Variants in ACOT12 observed in about 807,000 individuals in gnomAD.
The protein encoded by ACOT12 is acetyl-coenzyme A thioesterase.
In ACOT12, 51 loss-of-function variants were observed where a neutral mutation model predicts 67.7. The observed-to-expected ratio is 0.75, with a 90% CI of 0.60 to 0.95. The LOEUF (loss-of-function observed/expected upper bound fraction) is 0.95. ACOT12 is among the 40% of genes least tolerant of loss of function. The probability of loss-of-function intolerance (pLI) is 0.00; values close to 1 mark genes in which losing one functional copy is unlikely to be tolerated. For synonymous variants in ACOT12, 251 were observed against 244.6 expected (o/e 1.03, Z -0.24); for missense variants, 734 against 708.1 (o/e 1.04, Z -0.41).
chr5:81,393,695 A>C (rs1760921750), intron 1 of ACOT12, among the ~76,000 whole-genome samples: 1 of 150,342 alleles, frequency 6.7e-6, no homozygotes, highest in African/African-American at 2.5e-5. Context: ...CCAGCCCGGG[A>C]GAGAGCTCAA....
chr5:81,378,004 C>T (rs933747443), intron 2 of ACOT12, among the ~76,000 whole-genome samples: 11 of 152,070 alleles, frequency 7.2e-5, no homozygotes, highest in African/African-American at 2.4e-4. Flanking sequence ...TTATATGGAA[C>T]CAAAAAAGAG....
intron 3 of ACOT12, among the ~76,000 whole-genome samples, chr5:81,365,167 T>C (rs1428446531): frequency 6.6e-6 from 1 of 152,184 alleles, no homozygotes. Flanking sequence ...CCTACATATT[T>C]CAGATGAGTA....
At chr5:81,319,041 G>T in the ACOT12 span, among the ~76,000 whole-genome samples, 1 of 152,112 alleles carries the variant, frequency 6.6e-6, no homozygotes, top group Non-Finnish European at 1.5e-5. Flanking sequence ...GGACCTGCTG[G>T]AGAAGAGAAT....
At position 81,345,062 on chromosome 5, in the gene ACOT12, C is replaced by A. The variant is rs764324111; in HGVS notation, c.774-21G>T. ...CAACACTGTGAAGGGTGATGCAGGG[C>A]GGTGGGCAAAGAGGATCTTGACCCA... On this transcript the variant is annotated intron_variant, in intron 7 of 14. Transcript: ENST00000307624. The A allele has an allele frequency of 2.3e-5, 37 of 1,613,008 alleles. No homozygotes were observed. The African/African-American group carries it at 3.2e-4, about 14-fold the overall frequency.
the ACOT12 span, chr5:81,311,371 C>A: frequency 7.6e-7 from 1 of 1,308,328 alleles, no homozygotes; most frequent in Non-Finnish European, 1.1e-6. Context: ...AATTGGGATA[C>A]TAATGATTTT....
At chr5:81,344,022 TAG>T in intron 9 of ACOT12, 136 bp downstream of exon 9, 1 of 1,215,286 alleles carries the variant, frequency 8.2e-7, no homozygotes, top group Non-Finnish European at 1.2e-6. Context: ...CATAAGTCAG[TAG>T]TCAGCCTTTG....
intron 4 of ACOT12, among the ~76,000 whole-genome samples, chr5:81,361,077 C>CAAAAAAAAAAAAAAAAAA (rs71000820): frequency 3.8e-5 from 2 of 52,630 alleles, no homozygotes; most frequent in African/African-American, 8.3e-5. Flanking sequence ...GACTCCATCT[C>CAAAAAAAAAAAAAAAAAA]AAAAAAAAAA....
the ACOT12 span, among the ~76,000 whole-genome samples, chr5:81,315,233 C>G: frequency 6.6e-6 from 1 of 152,110 alleles, no homozygotes; most frequent in Admixed American, 6.6e-5. Context: ...ACCTTTTTGT[C>G]TCTTTTTTCA....
chr5:81,346,083 A>C, intron 6 of ACOT12, 79 bp from the exon 7 acceptor site: 1 of 1,570,858 alleles, frequency 6.4e-7, no homozygotes, highest in Non-Finnish European at 8.6e-7. Context: ...CAAGTCTTCA[A>C]ATAAGCATTT....
chr5:81,348,000 C>G, intron 5 of ACOT12, 70 bp from the exon 6 acceptor site: 1 of 1,497,886 alleles, frequency 6.7e-7, no homozygotes, highest in Non-Finnish European at 9.0e-7. Flanking sequence ...GCTTTTCCTT[C>G]CCGGCAGTAC....
At chr5:81,357,856 A>C (rs1416762869) in intron 5 of ACOT12, among the ~76,000 whole-genome samples, 1 of 151,926 alleles carries the variant, frequency 6.6e-6, no homozygotes, top group African/African-American at 2.4e-5. Context: ...AAACACAAAA[A>C]TTAGCTGGGC....
At chr5:81,344,104 A>G in intron 9 of ACOT12, 56 bp downstream of exon 9, 1 of 1,561,702 alleles carries the variant, frequency 6.4e-7, no homozygotes, top group Non-Finnish European at 8.7e-7. Flanking sequence ...GGGCTCTTAT[A>G]TAATTTGTCA....
chr5:81,363,931 T>C (rs755179091), intron 3 of ACOT12, 42 bp from the exon 4 acceptor site: 12 of 1,395,830 alleles, frequency 8.6e-6, no homozygotes, highest in Middle Eastern at 2.0e-4. Flanking sequence ...CTTGGCCAGT[T>C]CAGATTTCAG....
the ACOT12 span, among the ~76,000 whole-genome samples, chr5:81,313,589 T>G: frequency 6.6e-6 from 1 of 152,226 alleles, no homozygotes; most frequent in Non-Finnish European, 1.5e-5. Flanking sequence ...TTAATACATA[T>G]ATTTCACAAG....
chr5:81,345,155 G>A (rs1759341454), intron 7 of ACOT12, 114 bp from the exon 8 acceptor site: 2 of 1,341,040 alleles, frequency 1.5e-6, no homozygotes, highest in East Asian at 4.9e-5. Context: ...AGCAACAGGA[G>A]GATAAGGGCC....
Position 81,387,044 on chromosome 5 carries a change from C to T in ACOT12, c.128-1218G>A, listed in dbSNP as rs192002185. Among the ~76,000 whole-genome samples, 1,000 of 134,038 alleles carry T rather than the reference C, an allele frequency of 7.5e-3. 4 individuals are homozygous for T. Among genetic ancestry groups the T allele is most frequent in the Middle Eastern group, 0.044 (10 of 226 alleles). The allele number at this position is 134,038 out of a possible 152,430, so 87.9% of individuals were successfully genotyped here. On this transcript the variant is annotated intron_variant, in intron 1 of 14. Transcript: ENST00000307624. ...CTTTTTTCAGATAGAGTCTCACTGT[C>T]ACCCAGGCTGGAGTGCAATGGTGTG...
chr5:81,312,500 G>A, the ACOT12 span: 9 of 1,488,414 alleles, frequency 6.0e-6, no homozygotes, highest in Middle Eastern at 3.5e-4. Context: ...GGATGCATTT[G>A]ATTACTGTTT....
intron 5 of ACOT12, among the ~76,000 whole-genome samples, chr5:81,357,138 G>A (rs1350769794): frequency 1.3e-5 from 2 of 151,912 alleles, no homozygotes; most frequent in East Asian, 1.9e-4. Flanking sequence ...GCAATTCCTC[G>A]CCTTCCCAAC....
At chr5:81,352,037 A>C (rs1164935708) in intron 5 of ACOT12, among the ~76,000 whole-genome samples, 1 of 152,238 alleles carries the variant, frequency 6.6e-6, no homozygotes, top group African/African-American at 2.4e-5. Context: ...GAGAAATGCA[A>C]ATCAAAACTA....
Sources: allele counts gnomAD v4.1 joint callset (sites outside exome capture counted in the v4.1 genomes callset), GRCh38; gene constraint gnomAD v4.1.1; transcripts MANE v1.5; gene names NCBI Gene and HGNC (gene_info 2026-07-23, HGNC 2026-07-21).